The following GABBR2 variants were observed in gnomAD, a reference collection of about 807,000 sequenced individuals.
The protein encoded by GABBR2 is gamma-aminobutyric acid type B receptor subunit 2.
A neutral mutation model predicts 105.6 loss-of-function variants in GABBR2; 23 were observed. That is an observed-to-expected ratio of 0.22 (90% confidence interval 0.16 to 0.31). GABBR2 has a LOEUF of 0.31. Among genes scored for constraint, GABBR2 ranks in the 10% least tolerant of loss-of-function variants. The pLI is 1.00. For missense variants in GABBR2, 734 were observed against 1,245.5 expected, an observed-to-expected ratio of 0.59 and a Z score of 6.18; for synonymous variants, 478 against 499.7, an observed-to-expected ratio of 0.96 and a Z score of 0.58.
chr9:98,349,264 C>A (rs1259357004), intron 13 of GABBR2, among the ~76,000 whole-genome samples: 1 of 151,250 alleles, frequency 6.6e-6, no homozygotes, highest in East Asian at 1.9e-4. Flanking sequence ...TTCTTGCAAC[C>A]CTAGGATAAA....
intron 1 of GABBR2, among the ~76,000 whole-genome samples, chr9:98,619,330 T>C (rs949800384): frequency 3.3e-5 from 5 of 152,070 alleles, no homozygotes; most frequent in African/African-American, 4.8e-5. Flanking sequence ...GAGGGAGATT[T>C]ATAAAATTAA....
intron 5 of GABBR2, 113 bp downstream of exon 5, chr9:98,480,819 C>T: frequency 1.4e-6 from 1 of 724,642 alleles, no homozygotes; most frequent in African/African-American, 1.7e-5. Context: ...CTTCCAGGAA[C>T]CCAGGCTCCA....
intron 3 of GABBR2, among the ~76,000 whole-genome samples, chr9:98,517,393 C>T (rs1478841371): frequency 6.6e-6 from 1 of 152,144 alleles, no homozygotes; most frequent in Non-Finnish European, 1.5e-5. Flanking sequence ...CCTGGCGAAA[C>T]TGACCTTGAA....
intron 12 of GABBR2, among the ~76,000 whole-genome samples, chr9:98,366,345 G>A (rs547411555): frequency 2.3e-4 from 35 of 152,314 alleles, no homozygotes; most frequent in African/African-American, 7.7e-4. Flanking sequence ...TTAAATGAGC[G>A]TACCCTCAAT....
At chr9:98,436,347 CCATATATATATATATATAT>C (rs1564068173) in intron 7 of GABBR2, among the ~76,000 whole-genome samples, 977 of 31,628 alleles carry the variant, frequency 0.031, 141 homozygotes, top group Admixed American at 0.037. Context: ...CACACACACA[CCATATATATATATATATAT>C]ATATATATAT....
chr9:98,506,639 TG>T (rs1469152364), intron 3 of GABBR2, among the ~76,000 whole-genome samples: 1 of 152,182 alleles, frequency 6.6e-6, no homozygotes, highest in African/African-American at 2.4e-5. Flanking sequence ...TGTGGTGCTC[TG>T]GGGGCACCCC....
At chr9:98,395,750 A>G (rs1001761304) in intron 8 of GABBR2, among the ~76,000 whole-genome samples, 4 of 152,042 alleles carry the variant, frequency 2.6e-5, no homozygotes, top group Non-Finnish European at 5.9e-5. Context: ...ACCAGCGAAC[A>G]TGGATGAAGC....
chr9:98,586,866 G>A (rs1829084879), intron 1 of GABBR2, among the ~76,000 whole-genome samples: 1 of 152,170 alleles, frequency 6.6e-6, no homozygotes, highest in South Asian at 2.1e-4. Context: ...CCCTTGGGCT[G>A]TTTCCAGCAT....
At chr9:98,480,094 G>A (rs1041966543) in intron 5 of GABBR2, among the ~76,000 whole-genome samples, 16 of 152,196 alleles carry the variant, frequency 1.1e-4, no homozygotes, top group Admixed American at 3.3e-4. Flanking sequence ...AGAGATCTGC[G>A]GCCCGTCACC....
chr9:98,657,902 T>C (rs1830204506), intron 1 of GABBR2, among the ~76,000 whole-genome samples: 1 of 152,202 alleles, frequency 6.6e-6, no homozygotes, highest in South Asian at 2.1e-4. Flanking sequence ...TCTTCTGCCA[T>C]GACTGTAAGT....
intron 2 of GABBR2, among the ~76,000 whole-genome samples, chr9:98,551,339 G>T (rs1209950197): frequency 6.6e-6 from 1 of 152,174 alleles, no homozygotes; most frequent in Non-Finnish European, 1.5e-5. Context: ...GGAAGAAGAG[G>T]TTGCAGTGAG....
Position 98,538,561 on chromosome 9 carries a change from T to C in GABBR2, c.630+3312A>G, listed in dbSNP as rs930912809. The C allele has an allele frequency of 1.5e-5, 15 of 974,498 alleles. No homozygotes were observed. The African/African-American group carries it at 2.3e-4, about 15-fold the overall frequency. The allele number at this position is 974,498 out of a possible 1,614,324, so 60.4% of individuals were successfully genotyped here. A position where few individuals can be genotyped will look rare whatever the true frequency, so the allele number is the denominator to read the frequency against. On this transcript the variant is annotated intron_variant, in intron 3 of 18. Coordinates refer to ENST00000259455, the MANE Select transcript of GABBR2 (RefSeq NM_005458.8). ...ATGGGCTTACCTTGAAACTCAGAGG[T>C]TGGAGGTGCTCACAGGAGCAGCTGG...
Position 98,548,829 on chromosome 9 carries a change from T to C in GABBR2, c.460-6786A>G, listed in dbSNP as rs1010160721. Among the ~76,000 whole-genome samples the C allele has an allele frequency of 2.5e-5, 3 of 121,864 alleles. 1 individual carries two copies. Among genetic ancestry groups the C allele is most frequent in the Non-Finnish European group, 5.5e-5 (3 of 54,220 alleles). The allele number at this position is 121,864 out of a possible 152,430, so 79.9% of individuals were successfully genotyped here. A position where few individuals can be genotyped will look rare whatever the true frequency, so the allele number is the denominator to read the frequency against. ...TTTCTCAATCTAGAGCCATCTACTTTGTAATTAATGAAGCTTCTAAACATC... is the reference window on the plus strand; with the variant it reads ...TTTCTCAATCTAGAGCCATCTACTTCGTAATTAATGAAGCTTCTAAACATC... On this transcript the variant is annotated intron_variant, in intron 2 of 18. Coordinates refer to ENST00000259455, the MANE Select transcript of GABBR2 (RefSeq NM_005458.8).
At chr9:98,339,763 G>A (rs910452821) in intron 13 of GABBR2, among the ~76,000 whole-genome samples, 5 of 152,178 alleles carry the variant, frequency 3.3e-5, no homozygotes, top group African/African-American at 1.2e-4. Flanking sequence ...ATATAGCAGT[G>A]AATGAAACAC....
intron 2 of GABBR2, among the ~76,000 whole-genome samples, chr9:98,563,775 G>A (rs11790707): frequency 0.07 from 10,588 of 152,178 alleles, 477 homozygotes; most frequent in African/African-American, 0.12. Flanking sequence ...CCTTCCCACT[G>A]TATAAGGCTC....
intron 7 of GABBR2, among the ~76,000 whole-genome samples, chr9:98,447,895 C>T (rs550137224): frequency 6.6e-6 from 1 of 152,130 alleles, no homozygotes; most frequent in Non-Finnish European, 1.5e-5. Context: ...AAAAATCTTG[C>T]AGAAACTTTA....
intron 1 of GABBR2, among the ~76,000 whole-genome samples, chr9:98,623,168 T>A (rs1260385978): frequency 6.6e-6 from 1 of 152,216 alleles, no homozygotes; most frequent in Non-Finnish European, 1.5e-5. Flanking sequence ...CTCATGCCTG[T>A]AATCCCAGCA....
intron 10 of GABBR2, among the ~76,000 whole-genome samples, chr9:98,386,002 G>C (rs774641491): frequency 2.6e-5 from 4 of 152,134 alleles, no homozygotes; most frequent in Non-Finnish European, 5.9e-5. Flanking sequence ...TCCCCTTACA[G>C]AGAAATAATG....
At chr9:98,385,230 G>T (rs911830933) in intron 11 of GABBR2, among the ~76,000 whole-genome samples, 1 of 152,124 alleles carries the variant, frequency 6.6e-6, no homozygotes, top group Non-Finnish European at 1.5e-5. Flanking sequence ...CCGAGACAGG[G>T]TCTTTCTCTG....
Sources: gnomAD v4.1 joint callset for allele counts (sites outside exome capture counted in the v4.1 genomes callset) on GRCh38, gnomAD v4.1.1 for gene constraint, MANE v1.5 for transcripts, NCBI Gene and HGNC (gene_info 2026-07-23, HGNC 2026-07-21) for gene names.